TENM3: variants seen among roughly 807,000 people sequenced by gnomAD.
TENM3 encodes teneurin-3.
Under a neutral mutation model 255.1 loss-of-function variants are expected in TENM3, and 63 were observed. The ratio of observed to expected loss-of-function variants is 0.25; its 90% CI spans 0.20 to 0.30. The LOEUF is 0.30. Among genes scored for constraint, TENM3 ranks in the 10% least tolerant of loss-of-function variants. The probability of loss-of-function intolerance (pLI) is 1.00; values close to 1 mark genes in which losing one functional copy is unlikely to be tolerated. For missense variants in TENM3, 2,929 were observed against 3,461.1 expected, an observed-to-expected ratio of 0.85 and a Z score of 3.86; for synonymous variants, 1,306 against 1,322.3, an observed-to-expected ratio of 0.99 and a Z score of 0.27.
At chr4:181,801,680 A>ATATATG in the TENM3 span, among the ~76,000 whole-genome samples, 3 of 71,470 alleles carry the variant, frequency 4.2e-5, no homozygotes, top group Non-Finnish European at 1.1e-4. Context: ...ATATATATAT[A>ATATATG]TATATATATA....
the TENM3 span, among the ~76,000 whole-genome samples, chr4:181,570,663 C>T: frequency 7.3e-6 from 1 of 137,808 alleles, no homozygotes; most frequent in African/African-American, 3.0e-5. Context: ...GGAAAGCAAG[C>T]AAGCAAGCAA....
At chr4:182,346,509 G>C in intron 2 of TENM3, 142 bp from the exon 3 acceptor site, 1 of 836,318 alleles carries the variant, frequency 1.2e-6, no homozygotes, top group Non-Finnish European at 1.8e-6. Context: ...TGACGCTACT[G>C]TAAACGCCTG....
At chr4:181,564,342 C>T in the TENM3 span, among the ~76,000 whole-genome samples, 1 of 152,092 alleles carries the variant, frequency 6.6e-6, no homozygotes, top group African/African-American at 2.4e-5. Context: ...ACTTATGAAG[C>T]GGGCACTGTT....
rs1187578584 is a variant in TENM3 at position 182,679,550 on chromosome 4, C to T, written c.1327-116C>T. 3 of 834,620 alleles carry T rather than the reference C, an allele frequency of 3.6e-6. No homozygotes were observed. In the African/African-American group the frequency reaches 5.2e-5, roughly 14 times the overall value. The allele number at this position is 834,620 out of a possible 1,614,324, so 51.7% of individuals were successfully genotyped here. On this transcript the variant is annotated intron_variant, in intron 7 of 27. Transcript: ENST00000511685. ...TTCTACCATTTGGACCTGTCAGGAA[C>T]TTCTTTCTAACATTGTATTTGTTAG...
At chr4:182,437,372 G>A (rs994159152) in intron 3 of TENM3, among the ~76,000 whole-genome samples, 6 of 152,150 alleles carry the variant, frequency 3.9e-5, no homozygotes, top group Non-Finnish European at 8.8e-5. Flanking sequence ...ACTGAGGCCA[G>A]CCATCGTTGC....
the TENM3 span, among the ~76,000 whole-genome samples, chr4:182,104,043 C>T: frequency 6.6e-6 from 1 of 152,196 alleles, no homozygotes; most frequent in Non-Finnish European, 1.5e-5. Flanking sequence ...CTATCCTGGG[C>T]TTGCACCAGC....
intron 3 of TENM3, among the ~76,000 whole-genome samples, chr4:182,412,307 G>A (rs1300935972): frequency 1.3e-5 from 2 of 152,058 alleles, no homozygotes; most frequent in Non-Finnish European, 2.9e-5. Flanking sequence ...TCTGGGATTG[G>A]GGTGCAAGGG....
At chr4:181,957,423 G>A in the TENM3 span, among the ~76,000 whole-genome samples, 3 of 152,292 alleles carry the variant, frequency 2.0e-5, no homozygotes, top group East Asian at 1.9e-4. Flanking sequence ...CCAGTGAAAC[G>A]TGCAATCTAT....
At chr4:182,150,417 A>T (rs1750260918) in intron 1 of TENM3, among the ~76,000 whole-genome samples, 1 of 151,976 alleles carries the variant, frequency 6.6e-6, no homozygotes, top group African/African-American at 2.4e-5. Context: ...TAACTTGTAA[A>T]TTTTTTCACT....
At chr4:181,449,875 C>T in the TENM3 span, among the ~76,000 whole-genome samples, 1 of 152,128 alleles carries the variant, frequency 6.6e-6, no homozygotes, top group Admixed American at 6.5e-5. Context: ...CCAAATCAGT[C>T]TTCATATTCT....
the TENM3 span, among the ~76,000 whole-genome samples, chr4:181,787,060 C>T: frequency 0.017 from 2,529 of 152,344 alleles, 53 homozygotes; most frequent in African/African-American, 0.057. Context: ...AAGCACCTCA[C>T]TGCCTGGCAG....
At chr4:181,710,439 T>A in the TENM3 span, among the ~76,000 whole-genome samples, 1 of 152,034 alleles carries the variant, frequency 6.6e-6, no homozygotes, top group African/African-American at 2.4e-5. Context: ...TGCGGTAGGC[T>A]GGGCACGGTG....
chr4:182,239,031 TTA>T (rs1456096482), upstream of TENM3, among the ~76,000 whole-genome samples: 223 of 110,454 alleles, frequency 2.0e-3, no homozygotes, highest in Non-Finnish European at 3.2e-3. Context: ...TTAAAAATCT[TTA>T]TGTGTGTGTG....
the TENM3 span, among the ~76,000 whole-genome samples, chr4:181,707,717 C>G: frequency 6.6e-6 from 1 of 152,150 alleles, no homozygotes; most frequent in African/African-American, 2.4e-5. Flanking sequence ...CTCTAGCATT[C>G]AATAATTATA....
At chr4:181,519,976 T>G in the TENM3 span, among the ~76,000 whole-genome samples, 2 of 152,200 alleles carry the variant, frequency 1.3e-5, no homozygotes. Flanking sequence ...CAGAATTTCT[T>G]TCTTATTTCC....
chr4:182,410,139 A>G (rs1769883934), intron 3 of TENM3, among the ~76,000 whole-genome samples: 1 of 152,080 alleles, frequency 6.6e-6, no homozygotes, highest in South Asian at 2.1e-4. Context: ...TGCTTTTTAT[A>G]ATTTTCAGTG....
At chr4:182,660,001 C>G (rs1754090284) in intron 6 of TENM3, among the ~76,000 whole-genome samples, 1 of 152,148 alleles carries the variant, frequency 6.6e-6, no homozygotes, top group Non-Finnish European at 1.5e-5. Context: ...CCTAAGTGGT[C>G]TCATCAATTA....
At chr4:181,583,263 A>G in the TENM3 span, among the ~76,000 whole-genome samples, 1 of 152,146 alleles carries the variant, frequency 6.6e-6, no homozygotes, top group African/African-American at 2.4e-5. Flanking sequence ...GTATAATATC[A>G]GAATATTCTA....
chr4:182,101,100 G>GGAAGGA, the TENM3 span, among the ~76,000 whole-genome samples: 2 of 10,172 alleles, frequency 2.0e-4, no homozygotes, highest in Non-Finnish European at 5.5e-4. Context: ...GGGAGGGAGG[G>GGAAGGA]AGGGAGGAAG....
Sources: gnomAD v4.1 joint callset for allele counts (sites outside exome capture counted in the v4.1 genomes callset) on GRCh38, gnomAD v4.1.1 for gene constraint, MANE v1.5 for transcripts, NCBI Gene and HGNC (gene_info 2026-07-23, HGNC 2026-07-21) for gene names.